Variants in GPR151 observed in about 807,000 individuals in gnomAD.
GPR151 encodes the protein G-protein coupled receptor PGR7.
GPR151 carries 16 observed loss-of-function variants against 18.2 expected under a neutral mutation model. The ratio of observed to expected loss-of-function variants is 0.88; its 90% CI spans 0.60 to 1.34. The LOEUF (loss-of-function observed/expected upper bound fraction) is 1.34, where lower values mean the gene tolerates loss of function less well. GPR151 is among the 40% of genes most tolerant of loss of function. GPR151 has a pLI of 0.00. For synonymous variants in GPR151, 202 were observed against 191.2 expected, an observed-to-expected ratio of 1.06 and a Z score of -0.47; for missense variants, 509 against 504.3, an observed-to-expected ratio of 1.01 and a Z score of -0.09.
chr5:146,516,007 C>G lies in GPR151; in HGVS notation c.107G>C (p.Arg36Thr). 2.5e-6 allele frequency: 4 copies of G among 1,614,122 alleles called. No individual in the cohort carries two copies. The highest frequency in any genetic ancestry group is 1.1e-5 in the South Asian group (1 of 91,064). The change falls in exon 1 of 1, where the codon AGA (arginine) becomes ACA (threonine). Residue 36 changes from arginine to threonine, a missense_variant. Coordinates refer to ENST00000311104, the MANE Select transcript of GPR151 (RefSeq NM_194251.3). ...GYLPSDSQDW[R>T]TIIPALLVAV... is the part of the protein sequence containing the mutation. Reference sequence around the variant, plus strand: ...CACCAAGAGAGCCGGGATGATGGTTCTCCAGTCCTGGGAATCAGAGGGCAG... The same window carrying G: ...CACCAAGAGAGCCGGGATGATGGTTGTCCAGTCCTGGGAATCAGAGGGCAG...
rs148104013 is a variant in GPR151, at chr5:146,516,106, G to A, written c.8C>T (p.Ala3Val). 1,010 of 1,609,098 alleles carry A rather than the reference G, an allele frequency of 6.3e-4. 2 individuals are homozygous for A. The highest frequency in any genetic ancestry group is 7.6e-4 in the Non-Finnish European group (890 of 1,177,816). Residue 3 changes from alanine to valine, a missense_variant, in exon 1 of 1, where the codon GCA (alanine) becomes GTA (valine). Ala to Val is a moderately conservative substitution (Grantham distance 64). Coordinates refer to ENST00000311104, the MANE Select transcript of GPR151 (RefSeq NM_194251.3). ...GGAGTTAGAGTCTGCAAAGGCAGCT[G>A]CCAGCATCACTCTTCACAGCTTCTT... ML[A>V]AAFADSNSSS...
In GPR151 at chr5:146,515,432, G is replaced by A. The variant is rs1220181322; in HGVS notation, c.682C>T (p.Gln228Ter). The A allele has an allele frequency of 2.7e-5, 44 of 1,613,944 alleles. No individual in the cohort carries two copies. Among genetic ancestry groups the A allele is most frequent in the Non-Finnish European group, 3.7e-5 (44 of 1,180,008 alleles). The change falls in exon 1 of 1, where the codon CAA becomes TAA. Residue 228 changes from glutamine (Q) to a stop codon, truncating the protein, a stop_gained. Transcript: ENST00000311104. LOFTEE classifies it high-confidence loss of function. Reference protein sequence around the residue: ...ASFYFWRAYDQCKKRGTKTQN... With the variant: ...ASFYFWRAYD ...GTCTTAGTTCCTCGTTTTTTACATT[G>A]GTCATAAGCTCTCCAGAAATAAAAG...
In GPR151 at chr5:146,514,734, G is replaced by A; in HGVS notation, c.*120C>T. ...TGCACATTTGGAAAGTGTAGATTGT[G>A]AAATATTTTTATAATTCCTAATGGT... On this transcript the variant is annotated 3_prime_UTR_variant, in exon 1 of 1. Transcript: ENST00000311104. 1 of 687,588 alleles carries A rather than the reference G, an allele frequency of 1.5e-6. No individual in the cohort carries two copies. The highest frequency in any genetic ancestry group is 2.4e-6 in the Non-Finnish European group (1 of 420,652). The allele number at this position is 687,588 out of a possible 1,614,324, so 42.6% of individuals were successfully genotyped here. A position where few individuals can be genotyped will look rare whatever the true frequency, so the allele number is the denominator to read the frequency against.
Position 146,515,231 on chromosome 5 carries a change from T to A in GPR151, c.883A>T (p.Met295Leu). The A allele has an allele frequency of 2.5e-6, 4 of 1,614,098 alleles. No individual in the cohort carries two copies. The highest frequency in any genetic ancestry group is 3.4e-6 in the Non-Finnish European group (4 of 1,180,026). The change falls in exon 1 of 1, where the codon ATG becomes TTG. Residue 295 changes from methionine (M) to leucine (L), a missense_variant. Met to Leu is a conservative substitution (Grantham distance 15). Coordinates refer to ENST00000311104, the MANE Select transcript of GPR151 (RefSeq NM_194251.3). ...GGATTTGCTGAAGAGATGGAAAACA[T>A]CAAGACTTGAGACAGGGCTATGAAA... is the stretch of plus-strand genomic sequence containing the variant. ...QGFIALSQVL[M>L]FSISSANPLI...
Position 146,515,274 on chromosome 5 carries a change from G to A in GPR151, c.840C>T (p.Gly280=). 6.2e-7 allele frequency: 1 copy of A among 1,614,204 alleles called. No homozygotes were observed. Among genetic ancestry groups the A allele is most frequent in the Non-Finnish European group, 8.5e-7 (1 of 1,180,032 alleles). ...WLWVWHLKAA[G]PAPPQGFIAL... The stretch of plus-strand genomic sequence containing the variant: ...CTATGAAACCTTGTGGTGGGGCCGG[G>A]CCTGCAGCCTTCAGATGCCATACCC... Residue 280 remains glycine, a synonymous_variant, in exon 1 of 1, where the codon GGC becomes GGT. Coordinates refer to ENST00000311104, the MANE Select transcript of GPR151 (RefSeq NM_194251.3).
In GPR151 at chr5:146,515,106, C is replaced by T; in HGVS notation, c.1008G>A (p.Gln336=). 1 of 1,614,120 alleles carries T rather than the reference C, an allele frequency of 6.2e-7. No individual in the cohort carries two copies. The highest frequency in any genetic ancestry group is 8.5e-7 in the Non-Finnish European group (1 of 1,180,014). The change falls in exon 1 of 1, where the codon CAG becomes CAA. Residue 336 remains glutamine, a synonymous_variant. Transcript: ENST00000311104. ...TKKPPTVSES[Q]ETPAGNSEGL... is the part of the protein sequence containing the mutation. ...CCTCTGAGTTGCCAGCTGGTGTTTC[C>T]TGAGACTCTGAGACAGTTGGAGGTT...
chr5:146,515,117 A>C lies in GPR151; in HGVS notation c.997T>G (p.Ser333Ala). ...WMITKKPPTV[S>A]ESQETPAGNS... is the part of the protein sequence containing the mutation. ...CCAGCTGGTGTTTCCTGAGACTCTG[A>C]GACAGTTGGAGGTTTTTTGGTTATC... The change falls in exon 1 of 1, where the codon TCA (serine) becomes GCA (alanine). Residue 333 changes from serine to alanine, a missense_variant. By Grantham distance (99) the Ser-to-Ala change is moderately conservative. Transcript: ENST00000311104. 1 of 1,614,086 alleles carries C rather than the reference A, an allele frequency of 6.2e-7. No homozygotes were observed.
rs1200660506 is a variant in GPR151, at chr5:146,515,809, CTT to C, written c.303_304del (p.Ser102CysfsTer13). ...GACAAACCAGCCTAGATCCCAAACACTTTTGGAGTACGCCGTAGCTCGGATAG... is the reference window on the plus strand; with the variant it reads ...GACAAACCAGCCTAGATCCCAAACACTTGGAGTACGCCGTAGCTCGGATAG... On this transcript the variant is annotated frameshift_variant, in exon 1 of 1. Coordinates refer to ENST00000311104, the MANE Select transcript of GPR151 (RefSeq NM_194251.3). LOFTEE classifies it high-confidence loss of function. 5.0e-6 allele frequency: 8 copies of C among 1,614,212 alleles called. No individual in the cohort carries two copies. The highest frequency in any genetic ancestry group is 1.3e-5 in the African/African-American group (1 of 75,058).
Position 146,515,638 on chromosome 5 carries a change from A to G in GPR151, c.476T>C (p.Val159Ala). 5 of 1,614,198 alleles carry G rather than the reference A, an allele frequency of 3.1e-6. No homozygotes were observed. Among genetic ancestry groups the G allele is most frequent in the Non-Finnish European group, 4.2e-6 (5 of 1,180,042 alleles). ...CAGGCTAGCCACAGTCCAGATGGCC[A>G]CCAGCACTGACCAGATGGTGTAGTT... ...IHNYTIWSVL[V>A]AIWTVASLLP... Residue 159 changes from valine to alanine, a missense_variant, in exon 1 of 1, where the codon GTG (valine) becomes GCG (alanine). Coordinates refer to ENST00000311104, the MANE Select transcript of GPR151 (RefSeq NM_194251.3).
chr5:146,515,818 T>A lies in GPR151; in HGVS notation c.296A>T (p.Tyr99Phe). ...LFSAPIRATA[Y>F]SKSVWDLGWF... ...GCCTAGATCCCAAACACTTTTGGAG[T>A]ACGCCGTAGCTCGGATAGGTGCAGA... Residue 99 changes from tyrosine (Y) to phenylalanine (F), a missense_variant, in exon 1 of 1, where the codon TAC (tyrosine) becomes TTC (phenylalanine). Coordinates refer to ENST00000311104, the MANE Select transcript of GPR151 (RefSeq NM_194251.3). 6.2e-7 allele frequency: 1 copy of A among 1,613,862 alleles called. No homozygotes were observed. Among genetic ancestry groups the A allele is most frequent in the Non-Finnish European group, 8.5e-7 (1 of 1,179,944 alleles).
rs111754680 is a variant in GPR151, at chr5:146,515,601, C to T, written c.513G>A (p.Pro171=). 53 of 1,613,982 alleles carry T rather than the reference C, an allele frequency of 3.3e-5. No individual in the cohort carries two copies. Among genetic ancestry groups the T allele is most frequent in the East Asian group, 2.2e-4 (10 of 44,886 alleles). Residue 171 remains proline (P), a synonymous_variant, in exon 1 of 1, where the codon CCG becomes CCA. Transcript: ENST00000311104. ...IWTVASLLPL[P]EWFFSTIRHH... is the part of the protein sequence containing the mutation. ...GCCTGATGGTGCTAAAGAACCATTCCGGCAGGGGTAACAGGCTAGCCACAG... is the reference window on the plus strand; with the variant it reads ...GCCTGATGGTGCTAAAGAACCATTCTGGCAGGGGTAACAGGCTAGCCACAG...
rs184941865 is a variant in GPR151 at position 146,515,051 on chromosome 5, A to G, written c.1063T>C (p.Ser355Pro). 7 of 1,614,090 alleles carry G rather than the reference A, an allele frequency of 4.3e-6. No individual in the cohort carries two copies. The East Asian group carries it at 1.3e-4, about 31-fold the overall frequency. ...TCTTTTTCTGGTATGGATGCTGGGG[A>G]TTCTGGAGATGGAACCTTGTCAGGA... ...GLPDKVPSPESPASIPEKEKP... is the reference protein window; with the variant it reads ...GLPDKVPSPEPPASIPEKEKP... The change falls in exon 1 of 1, where the codon TCC (serine) becomes CCC (proline). Residue 355 changes from serine (S) to proline (P), a missense_variant. Ser to Pro is a moderately conservative substitution (Grantham distance 74). Transcript: ENST00000311104.
In GPR151 at chr5:146,515,737, C is replaced by G; in HGVS notation, c.377G>C (p.Ser126Thr). 1 of 1,614,202 alleles carries G rather than the reference C, an allele frequency of 6.2e-7. No homozygotes were observed. Among genetic ancestry groups the G allele is most frequent in the South Asian group, 1.1e-5 (1 of 91,074 alleles). Residue 126 changes from serine (S) to threonine (T), a missense_variant, in exon 1 of 1, where the codon AGC becomes ACC. Coordinates refer to ENST00000311104, the MANE Select transcript of GPR151 (RefSeq NM_194251.3). ...WFIHTCMAAK[S>T]LTIVVVAKVC... ...TTTGGCCACCACAACGATTGTCAGGCTCTTGGCTGCCATGCATGTGTGGAT... is the reference window on the plus strand; with the variant it reads ...TTTGGCCACCACAACGATTGTCAGGGTCTTGGCTGCCATGCATGTGTGGAT...
In GPR151 at chr5:146,514,734, GAAA is replaced by G; in HGVS notation, c.*117_*119del. 4.1e-5 allele frequency: 28 copies of G among 687,480 alleles called. No homozygotes were observed. Among genetic ancestry groups the G allele is most frequent in the South Asian group, 1.4e-4 (6 of 44,148 alleles). 42.6% of individuals were successfully genotyped at this position (687,480 alleles called of 1,614,324 possible). A position where few individuals can be genotyped will look rare whatever the true frequency, so the allele number is the denominator to read the frequency against. ...TGCACATTTGGAAAGTGTAGATTGTGAAATATTTTTATAATTCCTAATGGTAAT... is the reference window on the plus strand; with the variant it reads ...TGCACATTTGGAAAGTGTAGATTGTGTATTTTTATAATTCCTAATGGTAAT... On this transcript the variant is annotated 3_prime_UTR_variant, in exon 1 of 1. Transcript: ENST00000311104.
In GPR151 at chr5:146,515,857, G is replaced by C. The variant is rs778983879; in HGVS notation, c.257C>G (p.Ser86Cys). The change falls in exon 1 of 1, where the codon TCC (serine) becomes TGC (cysteine). Residue 86 changes from serine to cysteine, a missense_variant. Physicochemically the swap from Ser to Cys is moderately radical, Grantham distance 112 (BLOSUM62 -1). Transcript: ENST00000311104. ...LILNLSLADL[S>C]LLLFSAPIRA... ...GATAGGTGCAGAAAACAGCAGGAGG[G>C]AGAGATCAGCCAGGCTGAGATTCAG... 4 of 1,614,160 alleles carry C rather than the reference G, an allele frequency of 2.5e-6. No homozygotes were observed. In the South Asian group the frequency reaches 4.4e-5, roughly 18 times the overall value.
chr5:146,515,520 A>G lies in GPR151; in HGVS notation c.594T>C (p.Phe198=), dbSNP rs763562904. The G allele has an allele frequency of 1.2e-6, 2 of 1,614,170 alleles. No individual in the cohort carries two copies. Among genetic ancestry groups the G allele is most frequent in the Non-Finnish European group, 1.7e-6 (2 of 1,180,024 alleles). Residue 198 remains phenylalanine, a synonymous_variant, in exon 1 of 1, where the codon TTT becomes TTC. Transcript: ENST00000311104. ...LVDVPAVAEE[F]MSMFGKLYPL... ...GGTAGAGCTTACCAAACATCGACAT[A>G]AACTCTTCAGCCACAGCTGGTACAT...
In GPR151 at chr5:146,515,049, G is replaced by A. The variant is rs781418182; in HGVS notation, c.1065C>T (p.Ser355=). The A allele has an allele frequency of 1.2e-5, 19 of 1,614,138 alleles. No homozygotes were observed. The highest frequency in any genetic ancestry group is 1.5e-5 in the Non-Finnish European group (18 of 1,180,028). ...TCTCTTTTTCTGGTATGGATGCTGG[G>A]GATTCTGGAGATGGAACCTTGTCAG... ...GLPDKVPSPE[S]PASIPEKEKP... Residue 355 remains serine, a synonymous_variant, in exon 1 of 1, where the codon TCC becomes TCT. Coordinates refer to ENST00000311104, the MANE Select transcript of GPR151 (RefSeq NM_194251.3).
chr5:146,515,510 A>G lies in GPR151; in HGVS notation c.604T>C (p.Phe202Leu). The change falls in exon 1 of 1, where the codon TTT becomes CTT. Residue 202 changes from phenylalanine to leucine, a missense_variant. Phe to Leu is a conservative substitution (Grantham distance 22). Transcript: ENST00000311104. ...PAVAEEFMSM[F>L]GKLYPLLAFG... ...GCCAGGAGTGGGTAGAGCTTACCAA[A>G]CATCGACATAAACTCTTCAGCCACA... The G allele has an allele frequency of 6.2e-7, 1 of 1,614,204 alleles. No individual in the cohort carries two copies. Among genetic ancestry groups the G allele is most frequent in the Non-Finnish European group, 8.5e-7 (1 of 1,180,038 alleles).
chr5:146,516,150 T>C lies in GPR151; in HGVS notation c.-37A>G. ...GCTTCTTACAGAAGTTAGATTCTTATTTAGGTTTGTCTTTCTGCCTGGGCT... is the reference window on the plus strand; with the variant it reads ...GCTTCTTACAGAAGTTAGATTCTTACTTAGGTTTGTCTTTCTGCCTGGGCT... On this transcript the variant is annotated 5_prime_UTR_variant, in exon 1 of 1. Transcript: ENST00000311104. The C allele has an allele frequency of 9.0e-6, 14 of 1,559,288 alleles. No homozygotes were observed. The highest frequency in any genetic ancestry group is 1.1e-5 in the Non-Finnish European group (13 of 1,154,422).
Sources: gnomAD v4.1 joint callset for allele counts on GRCh38, gnomAD v4.1.1 for gene constraint, MANE v1.5 for transcripts, NCBI Gene and HGNC (gene_info 2026-07-23, HGNC 2026-07-21) for gene names.